RAB10: variants seen among roughly 807,000 people sequenced by gnomAD.
The protein encoded by RAB10 is ras-related protein Rab-10.
In RAB10, 5 loss-of-function variants were observed where a neutral mutation model predicts 25.7. The ratio of observed to expected loss-of-function variants is 0.19; its 90% CI spans 0.10 to 0.41. The LOEUF is 0.41. Among genes scored for constraint, RAB10 ranks in the 10% least tolerant of loss-of-function variants. The probability of loss-of-function intolerance (pLI) is 1.00; values close to 1 mark genes in which losing one functional copy is unlikely to be tolerated. For missense variants in RAB10, 103 were observed against 245.8 expected (o/e 0.42, Z 3.89); for synonymous variants, 89 against 86.4 (o/e 1.03, Z -0.16).
At chr2:26,116,615 G>A (rs1209747872) in intron 3 of RAB10, among the ~76,000 whole-genome samples, 3 of 135,548 alleles carry the variant, frequency 2.2e-5, no homozygotes, top group Non-Finnish European at 3.1e-5. Context: ...GGAGTGCAGT[G>A]GCGCTGTCTC....
At chr2:26,059,405 A>G (rs1490269661) in intron 1 of RAB10, among the ~76,000 whole-genome samples, 1 of 152,252 alleles carries the variant, frequency 6.6e-6, no homozygotes, top group Admixed American at 6.5e-5. Context: ...GTACTAGAAT[A>G]TAACTTCTAA....
intron 1 of RAB10, among the ~76,000 whole-genome samples, chr2:26,050,143 C>T (rs1025140496): frequency 3.3e-5 from 5 of 152,186 alleles, no homozygotes; most frequent in South Asian, 2.1e-4. Flanking sequence ...ATCATCCTAT[C>T]GTAGCTTTTT....
At position 26,114,737 on chromosome 2, in the gene RAB10, C is replaced by CAA. The variant is rs58252306; in HGVS notation, c.327+4848_327+4849dup. On this transcript the variant is annotated intron_variant, in intron 3 of 5. Coordinates refer to ENST00000264710, the MANE Select transcript of RAB10 (RefSeq NM_016131.5). ...GAAACCCCATCTCTACAAAAATATA[C>CAA]AAAAAAAAAAAAAAAAAATTAGTCG... 4.5e-3 allele frequency among the ~76,000 whole-genome samples: 297 copies of CAA among 66,054 alleles called. 4 individuals carry two copies. The highest frequency in any genetic ancestry group is 0.021 in the Middle Eastern group (2 of 94). 43.3% of individuals were successfully genotyped at this position (66,054 alleles called of 152,430 possible).
Position 26,054,108 on chromosome 2 carries a change from C to T in RAB10, c.127+19373C>T, listed in dbSNP as rs565660332. On this transcript the variant is annotated intron_variant, in intron 1 of 5. Transcript: ENST00000264710. ...TGTCGCCCAGGGTGGAGTGCAATGG[C>T]GTGATCTCGGCTCACTGCAACCTCT... 9.7e-4 allele frequency among the ~76,000 whole-genome samples: 140 copies of T among 143,916 alleles called. 1 individual carries two copies. Among genetic ancestry groups the T allele is most frequent in the African/African-American group, 3.5e-3 (132 of 38,162 alleles). The allele number at this position is 143,916 out of a possible 152,430, so 94.4% of individuals were successfully genotyped here.
intron 2 of RAB10, among the ~76,000 whole-genome samples, chr2:26,103,264 G>A (rs1307327326): frequency 6.6e-6 from 1 of 152,196 alleles, no homozygotes; most frequent in African/African-American, 2.4e-5. Context: ...TGAATAGATG[G>A]CAGATATGTG....
chr2:26,076,947 G>GAA (rs796845901), intron 1 of RAB10, among the ~76,000 whole-genome samples: 13 of 98,666 alleles, frequency 1.3e-4, no homozygotes, highest in Admixed American at 3.2e-4. Context: ...AAAAAAAAGA[G>GAA]AAAAAAAAAA....
intron 1 of RAB10, among the ~76,000 whole-genome samples, chr2:26,039,901 G>A (rs1665847785): frequency 6.6e-6 from 1 of 151,926 alleles, no homozygotes; most frequent in Non-Finnish European, 1.5e-5. Flanking sequence ...TCTCTGGTTT[G>A]TAAGCTATGC....
chr2:26,134,794 A>AGGGGAAACCTAT (rs1170531169), intron 5 of RAB10, 144 bp from the exon 6 acceptor site: 10 of 581,074 alleles, frequency 1.7e-5, no homozygotes, highest in Non-Finnish European at 2.9e-5. Context: ...CCAAATCTTT[A>AGGGGAAACCTAT]CTTTGCACGG....
chr2:26,105,234 C>T (rs145589940), intron 2 of RAB10, among the ~76,000 whole-genome samples: 54 of 152,232 alleles, frequency 3.5e-4, no homozygotes, highest in African/African-American at 1.2e-3. Flanking sequence ...GTGTGGAGAA[C>T]GGCAGTCCAT....
At chr2:26,054,654 A>G (rs1666211813) in intron 1 of RAB10, among the ~76,000 whole-genome samples, 1 of 152,208 alleles carries the variant, frequency 6.6e-6, no homozygotes, top group African/African-American at 2.4e-5. Flanking sequence ...CATTTTTAAA[A>G]CTTTTTCGTT....
intron 5 of RAB10, among the ~76,000 whole-genome samples, chr2:26,133,651 A>G (rs1171245474): frequency 1.3e-5 from 2 of 152,018 alleles, no homozygotes; most frequent in Non-Finnish European, 2.9e-5. Flanking sequence ...AAAATACTGT[A>G]TTCTGATTTT....
intron 1 of RAB10, among the ~76,000 whole-genome samples, chr2:26,078,850 A>G (rs1348244366): frequency 1.3e-5 from 2 of 152,214 alleles, no homozygotes; most frequent in Admixed American, 1.3e-4. Flanking sequence ...AATGAACAGC[A>G]TAATCACACT....
At chr2:26,083,385 C>G (rs962098503) in intron 1 of RAB10, among the ~76,000 whole-genome samples, 5 of 151,474 alleles carry the variant, frequency 3.3e-5, no homozygotes, top group Admixed American at 2.0e-4. Context: ...TCTCTTTTCT[C>G]TCTTCTCTCC....
At chr2:26,089,966 CAT>C (rs1667068819) in intron 1 of RAB10, among the ~76,000 whole-genome samples, 1 of 152,138 alleles carries the variant, frequency 6.6e-6, no homozygotes, top group Non-Finnish European at 1.5e-5. Context: ...TTCTTTATCT[CAT>C]GTAGAATTGT....
intron 3 of RAB10, among the ~76,000 whole-genome samples, chr2:26,122,931 TG>T (rs2149288292): frequency 6.6e-6 from 1 of 151,508 alleles, no homozygotes; most frequent in South Asian, 2.1e-4. Flanking sequence ...AGGACATGAG[TG>T]TTAGGAAAAG....
chr2:26,087,489 G>A (rs141867949), intron 1 of RAB10, among the ~76,000 whole-genome samples: 2,281 of 152,172 alleles, frequency 0.015, 24 homozygotes, highest in Non-Finnish European at 0.025. Context: ...CGCAACCTCT[G>A]CCTTCTGGGT....
At chr2:26,112,128 G>A (rs35709953) in intron 3 of RAB10, among the ~76,000 whole-genome samples, 21,903 of 152,154 alleles carry the variant, frequency 0.14, 1,928 homozygotes, top group Middle Eastern at 0.24. Context: ...CTCTGGATAC[G>A]CCACCTCTCC....
At chr2:26,089,709 A>T (rs1490643588) in intron 1 of RAB10, among the ~76,000 whole-genome samples, 3 of 152,154 alleles carry the variant, frequency 2.0e-5, no homozygotes, top group Non-Finnish European at 2.9e-5. Context: ...TCTAAACTTT[A>T]AAAAAACCTA....
chr2:26,123,535 G>A (rs908053104), intron 3 of RAB10, among the ~76,000 whole-genome samples: 1 of 152,228 alleles, frequency 6.6e-6, no homozygotes, highest in Non-Finnish European at 1.5e-5. Flanking sequence ...AGCAGAGCCA[G>A]TCAAGGAATT....
Sources: allele counts gnomAD v4.1 joint callset (sites outside exome capture counted in the v4.1 genomes callset), GRCh38; gene constraint gnomAD v4.1.1; transcripts MANE v1.5; gene names NCBI Gene and HGNC (gene_info 2026-07-23, HGNC 2026-07-21).